KCTD8: variants seen among roughly 807,000 people sequenced by gnomAD.
KCTD8 encodes the protein potassium channel tetramerization domain containing 8, also known as BTB/POZ domain-containing protein KCTD8.
In KCTD8, 27 loss-of-function variants were observed where a neutral mutation model predicts 31.5. That is an observed-to-expected ratio of 0.86 (90% CI 0.63 to 1.18). The LOEUF (loss-of-function observed/expected upper bound fraction) is 1.18, where lower values mean the gene tolerates loss of function less well. Among genes scored for constraint, KCTD8 ranks in the 50% most tolerant of loss-of-function variants. The probability of loss-of-function intolerance (pLI) is 0.00; values close to 1 mark genes in which losing one functional copy is unlikely to be tolerated. For missense variants in KCTD8, 658 were observed against 647.7 expected, an observed-to-expected ratio of 1.02 and a Z score of -0.17; for synonymous variants, 290 against 280.0, an observed-to-expected ratio of 1.04 and a Z score of -0.36.
intron 1 of KCTD8, among the ~76,000 whole-genome samples, chr4:44,235,570 T>G (rs1310160450): frequency 1.0e-4 from 5 of 48,890 alleles, no homozygotes; most frequent in African/African-American, 4.9e-4. Flanking sequence ...TATATATATA[T>G]ATATATTTAG....
chr4:44,435,258 A>C (rs2109480477), intron 1 of KCTD8, among the ~76,000 whole-genome samples: 1 of 152,094 alleles, frequency 6.6e-6, no homozygotes, highest in South Asian at 2.1e-4. Context: ...AGATGGGGAA[A>C]TAACCTCAAG....
At chr4:44,248,047 C>T (rs1053588145) in intron 1 of KCTD8, among the ~76,000 whole-genome samples, 2 of 151,814 alleles carry the variant, frequency 1.3e-5, no homozygotes, top group African/African-American at 4.8e-5. Context: ...GTTTTCCTGC[C>T]TCTGGTCTTG....
At chr4:44,285,510 T>C (rs945083114) in intron 1 of KCTD8, among the ~76,000 whole-genome samples, 4 of 152,030 alleles carry the variant, frequency 2.6e-5, no homozygotes, top group Non-Finnish European at 5.9e-5. Context: ...TTAGGAGAAA[T>C]ACCAAATGTA....
chr4:44,254,473 T>C (rs1329844996), intron 1 of KCTD8, among the ~76,000 whole-genome samples: 3 of 151,942 alleles, frequency 2.0e-5, no homozygotes, highest in Admixed American at 6.6e-5. Context: ...GTGCAAAGCG[T>C]AGCCCTTGAC....
intron 1 of KCTD8, among the ~76,000 whole-genome samples, chr4:44,216,088 C>T (rs771797798): frequency 3.9e-5 from 6 of 152,020 alleles, no homozygotes; most frequent in African/African-American, 9.7e-5. Context: ...AAATTATCTC[C>T]GCTATTAAAT....
intron 1 of KCTD8, among the ~76,000 whole-genome samples, chr4:44,278,554 T>C (rs922018834): frequency 3.3e-5 from 5 of 152,052 alleles, no homozygotes; most frequent in Non-Finnish European, 5.9e-5. Flanking sequence ...TTAGAAACTG[T>C]AGAAGAAAGA....
At chr4:44,434,079 A>T (rs1721580024) in intron 1 of KCTD8, among the ~76,000 whole-genome samples, 1 of 151,808 alleles carries the variant, frequency 6.6e-6, no homozygotes, top group South Asian at 2.1e-4. Flanking sequence ...TTCCCCTGAT[A>T]TCCAGCCAAA....
chr4:44,188,667 C>T (rs1343480720), intron 1 of KCTD8, among the ~76,000 whole-genome samples: 1 of 152,086 alleles, frequency 6.6e-6, no homozygotes, highest in African/African-American at 2.4e-5. Flanking sequence ...TCCCACTGGA[C>T]CCTAAAGTCA....
chr4:44,272,283 T>C (rs1326876811), intron 1 of KCTD8, among the ~76,000 whole-genome samples: 1 of 151,916 alleles, frequency 6.6e-6, no homozygotes, highest in South Asian at 2.1e-4. Context: ...CAGGAACATT[T>C]TTTTTCACAG....
At chr4:44,235,198 T>G (rs1177704371) in intron 1 of KCTD8, among the ~76,000 whole-genome samples, 5 of 151,562 alleles carry the variant, frequency 3.3e-5, no homozygotes, top group South Asian at 2.1e-4. Flanking sequence ...TGAGTTTTTT[T>G]TTTTTTTTTT....
intron 1 of KCTD8, among the ~76,000 whole-genome samples, chr4:44,413,087 T>C (rs1720998144): frequency 6.6e-6 from 1 of 152,200 alleles, no homozygotes; most frequent in African/African-American, 2.4e-5. Flanking sequence ...CCTTTATGTT[T>C]TGCTGTTTAA....
At chr4:44,244,849 G>C (rs954597041) in intron 1 of KCTD8, among the ~76,000 whole-genome samples, 7 of 25,582 alleles carry the variant, frequency 2.7e-4, no homozygotes, top group South Asian at 9.0e-4. Flanking sequence ...TGTAGTTGTG[G>C]GGGGGGGGGG....
intron 1 of KCTD8, among the ~76,000 whole-genome samples, chr4:44,242,825 C>T (rs1308962996): frequency 6.6e-6 from 1 of 151,958 alleles, no homozygotes; most frequent in African/African-American, 2.4e-5. Flanking sequence ...GCATCTTCCC[C>T]CTCTTCCTCT....
chr4:44,297,267 A>C (rs1415413932), intron 1 of KCTD8, among the ~76,000 whole-genome samples: 2 of 152,134 alleles, frequency 1.3e-5, no homozygotes, highest in African/African-American at 2.4e-5. Flanking sequence ...CATTGCCAAC[A>C]AACATGTAAA....
chr4:44,274,872 T>G (rs1413061482), intron 1 of KCTD8, among the ~76,000 whole-genome samples: 1 of 151,930 alleles, frequency 6.6e-6, no homozygotes, highest in African/African-American at 2.4e-5. Flanking sequence ...TGAATGAAGT[T>G]TAATTAACTT....
chr4:44,182,443 A>C (rs1471757318), intron 1 of KCTD8, among the ~76,000 whole-genome samples: 1 of 152,256 alleles, frequency 6.6e-6, no homozygotes, highest in Non-Finnish European at 1.5e-5. Flanking sequence ...TTCTGTACTA[A>C]GAAAAATTCT....
intron 1 of KCTD8, among the ~76,000 whole-genome samples, chr4:44,424,563 T>C (rs1181743908): frequency 6.6e-6 from 1 of 152,106 alleles, no homozygotes; most frequent in South Asian, 2.1e-4. Context: ...TTTTGTATAA[T>C]GTATGAGGTT....
intron 1 of KCTD8, among the ~76,000 whole-genome samples, chr4:44,311,695 T>G (rs1388820175): frequency 1.3e-5 from 2 of 151,938 alleles, no homozygotes; most frequent in Non-Finnish European, 1.5e-5. Context: ...ATGGTCTTTA[T>G]AGTGTGGAGC....
intron 1 of KCTD8, among the ~76,000 whole-genome samples, chr4:44,315,483 A>C (rs1040696864): frequency 3.3e-5 from 5 of 152,096 alleles, no homozygotes; most frequent in African/African-American, 1.2e-4. Context: ...CAGATGTAAG[A>C]ACAAGCCATT....
Sources: gnomAD v4.1 joint callset for allele counts (sites outside exome capture counted in the v4.1 genomes callset) on GRCh38, gnomAD v4.1.1 for gene constraint, MANE v1.5 for transcripts, NCBI Gene and HGNC (gene_info 2026-07-23, HGNC 2026-07-21) for gene names.